Variants in AEBP2 observed in about 807,000 individuals in gnomAD.
AEBP2 encodes the protein zinc finger protein AEBP2.
A neutral mutation model predicts 50.8 loss-of-function variants in AEBP2; 10 were observed. That is an observed-to-expected ratio of 0.20 (90% CI 0.12 to 0.33). The LOEUF is 0.33. Among genes scored for constraint, AEBP2 ranks in the 10% least tolerant of loss-of-function variants. AEBP2 has a pLI of 1.00. For missense variants in AEBP2, 570 were observed against 688.0 expected, an observed-to-expected ratio of 0.83 and a Z score of 1.92; for synonymous variants, 296 against 261.3, an observed-to-expected ratio of 1.13 and a Z score of -1.28.
intron 4 of AEBP2, among the ~76,000 whole-genome samples, chr12:19,496,026 C>T (rs1450738735): frequency 6.6e-6 from 1 of 152,094 alleles, no homozygotes; most frequent in African/African-American, 2.4e-5. Flanking sequence ...TATTATGGTA[C>T]TCAAAAACCA....
chr12:19,421,804 A>G (rs952041948), intron 1 of AEBP2, among the ~76,000 whole-genome samples: 3 of 152,168 alleles, frequency 2.0e-5, no homozygotes, highest in Non-Finnish European at 4.4e-5. Context: ...GTGTTCCAGG[A>G]ACTCACACAG....
chr12:19,409,401 T>TA (rs1210595130), intron 1 of AEBP2, among the ~76,000 whole-genome samples: 1 of 148,808 alleles, frequency 6.7e-6, no homozygotes, highest in Non-Finnish European at 1.5e-5. Flanking sequence ...CTTGGAAAAA[T>TA]AAAAAAAGAG....
rs141361260 is a variant in AEBP2, at chr12:19,482,589, G to A, written c.987+9234G>A. Among the ~76,000 whole-genome samples the A allele has an allele frequency of 7.2e-3, 1,091 of 152,306 alleles. 4 individuals carry two copies. The highest frequency in any genetic ancestry group is 0.011 in the Non-Finnish European group (753 of 68,038). On this transcript the variant is annotated intron_variant, in intron 3 of 7. Coordinates refer to ENST00000266508, the MANE Select transcript of AEBP2 (RefSeq NM_153207.5). ...GTGCACCAGTTGCAGTAGTAGTTAA[G>A]TAGGGAGATTGCTTGCCCTAAGTTG... is the stretch of plus-strand genomic sequence containing the variant.
Position 19,422,461 on chromosome 12 carries a change from G to A in AEBP2, c.-17+18245G>A, listed in dbSNP as rs73335388. On this transcript the variant is annotated intron_variant, in intron 1 of 3. Coordinates refer to the AEBP2 transcript ENST00000538425. ...AAGGATTTTTTAAAAAATTTATACC[G>A]GAAGGTTAAGTAATTAGCAAAAGGG... 5.3e-3 allele frequency among the ~76,000 whole-genome samples: 806 copies of A among 151,252 alleles called. 6 individuals are homozygous for A. The highest frequency in any genetic ancestry group is 0.015 in the African/African-American group (631 of 41,148).
At chr12:19,495,949 T>C (rs1948973728) in intron 4 of AEBP2, among the ~76,000 whole-genome samples, 2 of 152,198 alleles carry the variant, frequency 1.3e-5, no homozygotes, top group Admixed American at 1.3e-4. Context: ...AAATTTAGCA[T>C]TGCGATCATT....
rs1012443054 is a variant in AEBP2, at chr12:19,517,882, C to T, written c.1482-205C>T. Among the ~76,000 whole-genome samples, 7 of 152,222 alleles carry T rather than the reference C, an allele frequency of 4.6e-5. No individual in the cohort carries two copies. The East Asian group carries it at 1.2e-3, about 25-fold the overall frequency. On this transcript the variant is annotated intron_variant, in intron 7 of 7. Transcript: ENST00000266508. ...GAATTCTTTCTTAGAAATGCACTAG[C>T]AGGCTACATTTAAAACTTTTATTAA...
In AEBP2 at chr12:19,512,469, A is replaced by C; in HGVS notation, c.1367+4A>C. ...TTCATTGGATGCCTGAAGACATGTA[A>C]GTATTTGAAATATTATGCCTTAGTA... is the stretch of plus-strand genomic sequence containing the variant. On this transcript the variant is annotated splice_donor_region_variant and intron_variant, in intron 6 of 7. Transcript: ENST00000266508. 6.5e-7 allele frequency: 1 copy of C among 1,545,194 alleles called. No homozygotes were observed. Among genetic ancestry groups the C allele is most frequent in the African/African-American group, 1.4e-5 (1 of 73,152 alleles).
At position 19,439,978 on chromosome 12, in the gene AEBP2, C is replaced by G. The variant is rs928576508; in HGVS notation, c.279C>G (p.Ala93=). The change falls in exon 1 of 8, where the codon GCC becomes GCG. Residue 93 remains alanine, a synonymous_variant. Coordinates refer to ENST00000266508, the MANE Select transcript of AEBP2 (RefSeq NM_153207.5). ...SEPSPESASQ[A]GEDEDEEEDD... ...CGAGCCCCGAGAGCGCCAGCCAGGC[C>G]GGGGAGGACGAAGACGAGGAGGAGG... is the stretch of plus-strand genomic sequence containing the variant. 24 of 1,520,910 alleles carry G rather than the reference C, an allele frequency of 1.6e-5. No individual in the cohort carries two copies. Among genetic ancestry groups the G allele is most frequent in the Middle Eastern group, 1.9e-4 (1 of 5,360 alleles). The allele number at this position is 1,520,910 out of a possible 1,614,324, so 94.2% of individuals were successfully genotyped here. A position where few individuals can be genotyped will look rare whatever the true frequency, so the allele number is the denominator to read the frequency against.
chr12:19,463,405 T>C (rs1948411495), intron 2 of AEBP2, among the ~76,000 whole-genome samples: 2 of 152,208 alleles, frequency 1.3e-5, no homozygotes, highest in African/African-American at 4.8e-5. Context: ...TGAATAGTTA[T>C]CACACTTAGT....
At chr12:19,472,221 C>T (rs1386103301) in intron 2 of AEBP2, among the ~76,000 whole-genome samples, 4 of 152,020 alleles carry the variant, frequency 2.6e-5, no homozygotes, top group Non-Finnish European at 4.4e-5. Flanking sequence ...CTTTGTATAT[C>T]TTTCTTGTGT....
chr12:19,438,383 G>A (rs991364483), upstream of AEBP2, among the ~76,000 whole-genome samples: 2 of 152,138 alleles, frequency 1.3e-5, no homozygotes, highest in Non-Finnish European at 2.9e-5. Context: ...ATTCTCATCT[G>A]CTTTTTTTAT....
In AEBP2 at chr12:19,439,625, G is replaced by C. The variant is rs964385221; in HGVS notation, c.-75G>C. On this transcript the variant is annotated 5_prime_UTR_variant, in exon 1 of 8. Transcript: ENST00000266508. ...CGGCGGAGTTTTGGGCGTTTGGGAG[G>C]GGGGCGAGGGAGAGAGAGTCGAGAG... 3.1e-5 allele frequency: 46 copies of C among 1,478,886 alleles called. No homozygotes were observed. Among genetic ancestry groups the C allele is most frequent in the East Asian group, 1.3e-4 (5 of 37,386 alleles). The allele number at this position is 1,478,886 out of a possible 1,614,324, so 91.6% of individuals were successfully genotyped here.
intron 1 of AEBP2, among the ~76,000 whole-genome samples, chr12:19,433,737 A>T (rs920227207): frequency 1.7e-4 from 26 of 151,484 alleles, no homozygotes; most frequent in African/African-American, 6.3e-4. Flanking sequence ...TGGCAGGTGG[A>T]GGTTGCAGTG....
chr12:19,474,793 G>GTT (rs11438547), intron 3 of AEBP2, among the ~76,000 whole-genome samples: 5 of 150,674 alleles, frequency 3.3e-5, no homozygotes, highest in Non-Finnish European at 3.0e-5. Flanking sequence ...AATTTGAATA[G>GTT]TTTTTTTTTC....
At chr12:19,476,220 A>G (rs192241657) in intron 3 of AEBP2, among the ~76,000 whole-genome samples, 3 of 152,292 alleles carry the variant, frequency 2.0e-5, no homozygotes, top group South Asian at 2.1e-4. Flanking sequence ...TCTTTGCTCC[A>G]TCTTGAGTTG....
chr12:19,405,968 G>GTTTT (rs35045932), intron 1 of AEBP2, among the ~76,000 whole-genome samples: 1 of 129,780 alleles, frequency 7.7e-6, no homozygotes, highest in Non-Finnish European at 1.6e-5. Context: ...TGCCTGGCCA[G>GTTTT]TTTTTTTTTT....
intron 3 of AEBP2, among the ~76,000 whole-genome samples, chr12:19,489,052 G>A (rs1565727921): frequency 2.6e-5 from 4 of 152,180 alleles, no homozygotes; most frequent in Admixed American, 2.0e-4. Flanking sequence ...GCCTGCCAGA[G>A]TGCTGGGATT....
intron 1 of AEBP2, among the ~76,000 whole-genome samples, chr12:19,425,457 G>A (rs1337205478): frequency 6.6e-6 from 1 of 151,902 alleles, no homozygotes; most frequent in Non-Finnish European, 1.5e-5. Flanking sequence ...TTGGGAGGCC[G>A]AGCTGGGTGG....
At chr12:19,515,174 T>G (rs538471050) in intron 7 of AEBP2, among the ~76,000 whole-genome samples, 1 of 152,304 alleles carries the variant, frequency 6.6e-6, no homozygotes, top group African/African-American at 2.4e-5. Flanking sequence ...TTACCCTTTC[T>G]CCAAACTTTC....
Sources: gnomAD v4.1 joint callset for allele counts (sites outside exome capture counted in the v4.1 genomes callset) on GRCh38, gnomAD v4.1.1 for gene constraint, MANE v1.5 for transcripts, NCBI Gene and HGNC (gene_info 2026-07-23, HGNC 2026-07-21) for gene names.